Variants in SLCO4A1 observed in about 807,000 individuals in gnomAD.
The protein encoded by SLCO4A1 is colon organic anion transporter.
SLCO4A1 carries 51 observed loss-of-function variants against 64.6 expected under a neutral mutation model. The observed-to-expected ratio is 0.79, with a 90% CI of 0.63 to 1.00. SLCO4A1 has a LOEUF of 1.00. Among genes scored for constraint, SLCO4A1 ranks in the 50% least tolerant of loss-of-function variants. The pLI is 0.00. For missense variants in SLCO4A1, 919 were observed against 980.5 expected (o/e 0.94, Z 0.84); for synonymous variants, 471 against 444.9 (o/e 1.06, Z -0.74).
Position 62,658,883 on chromosome 20 carries a change from C to T in SLCO4A1, c.887+116C>T. The T allele has an allele frequency of 8.0e-6, 7 of 876,398 alleles. No homozygotes were observed. The South Asian group carries it at 1.1e-4, about 14-fold the overall frequency. 54.3% of individuals were successfully genotyped at this position (876,398 alleles called of 1,614,324 possible). ...GGCCGGGCGCGGCGCAGGTGCTGGG[C>T]ACCCCCCGGGCTGGAGGGAGTCAAG... On this transcript the variant is annotated intron_variant, in intron 3 of 11. Coordinates refer to ENST00000217159, the MANE Select transcript of SLCO4A1 (RefSeq NM_016354.4).
At position 62,657,033 on chromosome 20, in the gene SLCO4A1, G is replaced by A. The variant is rs759544114; in HGVS notation, c.579G>A (p.Thr193=). The part of the protein sequence containing the change: ...GSLVFALPHF[T]AGRYEVELDA... ...TGGTGTTCGCGCTGCCCCACTTCAC[G>A]GCTGGCCGCTATGAGGTGGAGTTGG... Residue 193 remains threonine (T), a synonymous_variant, in exon 2 of 12, where the codon ACG becomes ACA. Transcript: ENST00000217159. The A allele has an allele frequency of 8.8e-6, 14 of 1,591,684 alleles. No homozygotes were observed. The highest frequency in any genetic ancestry group is 2.3e-5 in the East Asian group (1 of 44,378).
At chr20:62,677,873 G>A (rs940552111) in intron 2 of SLCO4A1, among the ~76,000 whole-genome samples, 49 of 152,252 alleles carry the variant, frequency 3.2e-4, no homozygotes, top group African/African-American at 1.2e-3. Flanking sequence ...CGCCGTGATG[G>A]GGGTGCCGTC....
At chr20:62,658,905 C>A in intron 3 of SLCO4A1, 138 bp downstream of exon 3, 1 of 722,450 alleles carries the variant, frequency 1.4e-6, no homozygotes, top group Admixed American at 2.4e-5. Context: ...TGGAGGGAGT[C>A]AAGGCTGGCC....
chr20:62,684,715 C>G (rs1987989401), intron 2 of SLCO4A1, among the ~76,000 whole-genome samples: 1 of 152,138 alleles, frequency 6.6e-6, no homozygotes, highest in African/African-American at 2.4e-5. Flanking sequence ...CAAGCAAACC[C>G]CCCCACTGCC....
At chr20:62,660,298 G>T in intron 3 of SLCO4A1, 114 bp from the exon 4 acceptor site, 1 of 1,259,030 alleles carries the variant, frequency 7.9e-7, no homozygotes, top group Non-Finnish European at 1.1e-6. Flanking sequence ...TGACCAGCGT[G>T]CAGACAGACC....
chr20:62,689,829 CG>C (rs1160293857), downstream of SLCO4A1, among the ~76,000 whole-genome samples: 5 of 152,216 alleles, frequency 3.3e-5, no homozygotes, highest in African/African-American at 1.2e-4. Context: ...ATGTGTGGGA[CG>C]GGGCACCCAG....
downstream of SLCO4A1, among the ~76,000 whole-genome samples, chr20:62,690,061 C>G (rs1988179980): frequency 6.6e-6 from 1 of 152,246 alleles, no homozygotes; most frequent in Non-Finnish European, 1.5e-5. Flanking sequence ...CCCCAGCCCC[C>G]TTGCCTGGTG....
Position 62,672,161 on chromosome 20 carries a change from G to C in SLCO4A1, c.*268G>C. The C allele has an allele frequency of 1.5e-6, 2 of 1,354,088 alleles. No homozygotes were observed. Among genetic ancestry groups the C allele is most frequent in the Non-Finnish European group, 9.5e-7 (1 of 1,047,312 alleles). The allele number at this position is 1,354,088 out of a possible 1,614,324, so 83.9% of individuals were successfully genotyped here. A position where few individuals can be genotyped will look rare whatever the true frequency, so the allele number is the denominator to read the frequency against. The stretch of plus-strand genomic sequence containing the variant: ...ATGTGTTTTATACCCGATCGTGTGT[G>C]GTGTGCGTGAGGACAAACTCCGCAG... On this transcript the variant is annotated 3_prime_UTR_variant, in exon 12 of 12. Transcript: ENST00000217159.
At chr20:62,667,061 C>T (rs933549410) in intron 7 of SLCO4A1, among the ~76,000 whole-genome samples, 1 of 152,244 alleles carries the variant, frequency 6.6e-6, no homozygotes, top group Non-Finnish European at 1.5e-5. Flanking sequence ...AGTGCACCTG[C>T]AGGTGCCGTG....
intron 5 of SLCO4A1, 58 bp from the exon 6 acceptor site, chr20:62,664,876 G>C (rs188188055): frequency 6.8e-7 from 1 of 1,469,256 alleles, no homozygotes; most frequent in Non-Finnish European, 9.1e-7. Context: ...TCCACACCCC[G>C]ACCTCTGCCC....
In SLCO4A1 at chr20:62,645,508, T is replaced by G. The variant is rs1461263711; in HGVS notation, c.-97+2955T>G. 6.9e-6 allele frequency among the ~76,000 whole-genome samples: 1 copy of G among 143,948 alleles called. No individual in the cohort carries two copies. Among genetic ancestry groups the G allele is most frequent in the African/African-American group, 2.5e-5 (1 of 39,430 alleles). The allele number at this position is 143,948 out of a possible 152,430, so 94.4% of individuals were successfully genotyped here. A position where few individuals can be genotyped will look rare whatever the true frequency, so the allele number is the denominator to read the frequency against. Reference sequence around the variant, plus strand: ...CCCACCCACACCCGCACCCTCACCCTCATCCTCACCCGCAGCCTCACCCTC... The same window carrying G: ...CCCACCCACACCCGCACCCTCACCCGCATCCTCACCCGCAGCCTCACCCTC... On this transcript the variant is annotated intron_variant, in intron 1 of 11. Transcript: ENST00000217159. This position sits in a 1 kb window ranked among gnomAD's most constrained non-coding sequence, Gnocchi z 4.2.
At chr20:62,655,747 C>T (rs1448106851) in intron 1 of SLCO4A1, among the ~76,000 whole-genome samples, 4 of 152,204 alleles carry the variant, frequency 2.6e-5, no homozygotes, top group Admixed American at 2.0e-4. Flanking sequence ...TGGGGGCTCA[C>T]GTGGCCCAGG....
Position 62,656,523 on chromosome 20 carries a change from G to A in SLCO4A1, c.69G>A (p.Gly23=). The A allele has an allele frequency of 6.4e-7, 1 of 1,573,456 alleles. No individual in the cohort carries two copies. Among genetic ancestry groups the A allele is most frequent in the South Asian group, 1.1e-5 (1 of 87,460 alleles). The change falls in exon 2 of 12, where the codon GGG becomes GGA. Residue 23 remains glycine (G), a synonymous_variant. Coordinates refer to ENST00000217159, the MANE Select transcript of SLCO4A1 (RefSeq NM_016354.4). ...GCCCCAACTCAGCCATGGAAAACGG[G>A]CTTGACCACACCCCACCCAGCAGGA... is the stretch of plus-strand genomic sequence containing the variant. ...FPSPNSAMEN[G]LDHTPPSRRA...
chr20:62,662,727 G>A (rs1167655559), intron 5 of SLCO4A1, among the ~76,000 whole-genome samples: 2 of 149,248 alleles, frequency 1.3e-5, no homozygotes, highest in Non-Finnish European at 3.0e-5. Flanking sequence ...CTCCCCCAGG[G>A]TGCCCACCCC....
At position 62,645,662 on chromosome 20, in the gene SLCO4A1, A is replaced by T. The variant is rs1815591; in HGVS notation, c.-97+3109A>T. ...TCTGGCGGAAGGTGACTGCTTTTTCAAACCACGTGCCTTCTGCAGAAGCCG... is the reference window on the plus strand; with the variant it reads ...TCTGGCGGAAGGTGACTGCTTTTTCTAACCACGTGCCTTCTGCAGAAGCCG... On this transcript the variant is annotated intron_variant, in intron 1 of 11. Coordinates refer to ENST00000217159, the MANE Select transcript of SLCO4A1 (RefSeq NM_016354.4). This position sits in a 1 kb window ranked among gnomAD's most constrained non-coding sequence, Gnocchi z 4.2. Among the ~76,000 whole-genome samples the T allele has an allele frequency of 0.48, 73,204 of 151,390 alleles. 20,622 individuals are homozygous for T. The highest frequency in any genetic ancestry group is 0.76 in the East Asian group (3,842 of 5,066).
At chr20:62,690,022 T>C (rs1988178353), downstream of SLCO4A1, among the ~76,000 whole-genome samples, 1 of 152,192 alleles carries the variant, frequency 6.6e-6, no homozygotes, top group African/African-American at 2.4e-5. Flanking sequence ...CCTCTGTGCC[T>C]GCTTTGCGCC....
At chr20:62,673,042 G>A (rs1362525856), downstream of SLCO4A1, among the ~76,000 whole-genome samples, 1 of 143,648 alleles carries the variant, frequency 7.0e-6, no homozygotes, top group African/African-American at 2.5e-5. Context: ...ACAATCCGGT[G>A]CTGGTGACAT....
At position 62,645,695 on chromosome 20, in the gene SLCO4A1, C is replaced by T. The variant is rs930535447; in HGVS notation, c.-97+3142C>T. Among the ~76,000 whole-genome samples the T allele has an allele frequency of 2.6e-5, 4 of 152,034 alleles. No individual in the cohort carries two copies. Among genetic ancestry groups the T allele is most frequent in the Non-Finnish European group, 4.4e-5 (3 of 67,990 alleles). On this transcript the variant is annotated intron_variant, in intron 1 of 11. Transcript: ENST00000217159. The surrounding 1 kb of genome is among the most constrained non-coding windows in gnomAD (Gnocchi z 4.2). ...TGCCTTCTGCAGAAGCCGCTCCCCACGTAGCCCAAGCGTAGGGTGAGACTT... is the reference window on the plus strand; with the variant it reads ...TGCCTTCTGCAGAAGCCGCTCCCCATGTAGCCCAAGCGTAGGGTGAGACTT...
intron 11 of SLCO4A1, 114 bp downstream of exon 11, chr20:62,669,192 C>T (rs1986899307): frequency 9.4e-7 from 1 of 1,061,848 alleles, no homozygotes; most frequent in Non-Finnish European, 1.4e-6. Context: ...ACAGATGTTC[C>T]TGCAGCCAGT....
Sources: gnomAD v4.1 joint callset for allele counts (sites outside exome capture counted in the v4.1 genomes callset) on GRCh38, gnomAD v4.1.1 for gene constraint, Gnocchi (gnomAD v3.1) non-coding constraint, MANE v1.5 for transcripts, NCBI Gene and HGNC (gene_info 2026-07-23, HGNC 2026-07-21) for gene names.